The following PTPRD variants were observed in gnomAD, a reference collection of about 807,000 sequenced individuals.
PTPRD encodes receptor-type tyrosine-protein phosphatase delta.
Under a neutral mutation model 214.5 loss-of-function variants are expected in PTPRD, and 34 were observed. That is an observed-to-expected ratio of 0.16 (90% CI 0.12 to 0.21). PTPRD has a LOEUF of 0.21. PTPRD is among the 10% of genes least tolerant of loss of function. The probability of loss-of-function intolerance (pLI) is 1.00; values close to 1 mark genes in which losing one functional copy is unlikely to be tolerated. For synonymous variants in PTPRD, 1,128 were observed against 845.7 expected, an observed-to-expected ratio of 1.33 and a Z score of -5.79; for missense variants, 2,545 against 2,398.7, an observed-to-expected ratio of 1.06 and a Z score of -1.27.
rs1593068093 is a variant in PTPRD at position 9,614,138 on chromosome 9, T to C, written c.-286-39357A>G. On this transcript the variant is annotated intron_variant, in intron 7 of 45. Transcript: ENST00000381196. The stretch of plus-strand genomic sequence containing the variant: ...TGTGTATAAATATATAATATACATA[T>C]ATTTATAATTATAGATAAAGAAATT... 1.3e-5 allele frequency among the ~76,000 whole-genome samples: 2 copies of C among 151,398 alleles called. 1 individual carries two copies. Among genetic ancestry groups the C allele is most frequent in the Admixed American group, 1.3e-4 (2 of 15,156 alleles).
intron 2 of PTPRD, among the ~76,000 whole-genome samples, chr9:10,545,791 T>G (rs951304928): frequency 1.3e-5 from 2 of 152,152 alleles, no homozygotes; most frequent in African/African-American, 4.8e-5. Context: ...ATAGAATTCT[T>G]GGCATTTCTT....
At chr9:8,665,917 CA>C (rs896303191) in intron 12 of PTPRD, among the ~76,000 whole-genome samples, 2 of 151,792 alleles carry the variant, frequency 1.3e-5, no homozygotes, top group African/African-American at 4.8e-5. Context: ...ACTACTGTCA[CA>C]AAAAAATGCA....
At chr9:9,205,905 T>C (rs1263535127) in intron 9 of PTPRD, among the ~76,000 whole-genome samples, 1 of 152,192 alleles carries the variant, frequency 6.6e-6, no homozygotes, top group African/African-American at 2.4e-5. Context: ...TTATTTCAGT[T>C]TGTCATTAAG....
intron 12 of PTPRD, among the ~76,000 whole-genome samples, chr9:8,680,811 C>A (rs556942729): frequency 6.6e-6 from 1 of 152,204 alleles, no homozygotes; most frequent in Admixed American, 6.5e-5. Context: ...AACTAATTTT[C>A]CACTGGAAAC....
chr9:9,707,378 T>C (rs2097643657), intron 7 of PTPRD, among the ~76,000 whole-genome samples: 1 of 152,180 alleles, frequency 6.6e-6, no homozygotes, highest in Non-Finnish European at 1.5e-5. Flanking sequence ...CAAATTATTA[T>C]GTCAGAGATG....
At chr9:10,311,422 G>A (rs1203881650) in intron 3 of PTPRD, among the ~76,000 whole-genome samples, 2 of 151,894 alleles carry the variant, frequency 1.3e-5, no homozygotes, top group Non-Finnish European at 2.9e-5. Context: ...TTTTGGCTTC[G>A]CTACTCATTT....
intron 5 of PTPRD, among the ~76,000 whole-genome samples, chr9:9,812,679 A>G (rs1197415644): frequency 6.6e-6 from 1 of 152,200 alleles, no homozygotes; most frequent in African/African-American, 2.4e-5. Flanking sequence ...AAATATAAAC[A>G]GGACTGAAAG....
intron 8 of PTPRD, among the ~76,000 whole-genome samples, chr9:9,492,412 G>A (rs1370985673): frequency 6.6e-6 from 1 of 150,648 alleles, no homozygotes; most frequent in Admixed American, 6.6e-5. Flanking sequence ...ATTCAATGAA[G>A]CCAGCACCAA....
chr9:9,618,743 A>G (rs943103521), intron 7 of PTPRD, among the ~76,000 whole-genome samples: 2 of 152,182 alleles, frequency 1.3e-5, no homozygotes, highest in Non-Finnish European at 2.9e-5. Context: ...GAATTTCAGG[A>G]AAGAATTTTA....
At chr9:10,060,900 CTTT>C (rs879543181) in intron 3 of PTPRD, among the ~76,000 whole-genome samples, 4,307 of 36,362 alleles carry the variant, frequency 0.12, 107 homozygotes, top group Non-Finnish European at 0.15. Context: ...TTCCTTCCTT[CTTT>C]CTTTCTTTCT....
chr9:9,365,162 A>C (rs1327085172), intron 9 of PTPRD, among the ~76,000 whole-genome samples: 1 of 151,460 alleles, frequency 6.6e-6, no homozygotes, highest in African/African-American at 2.4e-5. Flanking sequence ...ACAAATACAA[A>C]ATATTGGATC....
At chr9:8,803,941 A>G (rs2096621801) in intron 11 of PTPRD, among the ~76,000 whole-genome samples, 1 of 151,672 alleles carries the variant, frequency 6.6e-6, no homozygotes, top group Non-Finnish European at 1.5e-5. Context: ...TTACGTTTGA[A>G]GTCCCTCACT....
chr9:10,122,303 A>C (rs2098782549), intron 3 of PTPRD, among the ~76,000 whole-genome samples: 1 of 152,150 alleles, frequency 6.6e-6, no homozygotes, highest in African/African-American at 2.4e-5. Flanking sequence ...GCAAAACTCC[A>C]TCTCAAAAAA....
chr9:9,718,543 G>C (rs551651949), intron 7 of PTPRD, among the ~76,000 whole-genome samples: 1 of 152,190 alleles, frequency 6.6e-6, no homozygotes, highest in South Asian at 2.1e-4. Context: ...TCCAGACCCA[G>C]GCATCCCTGT....
intron 9 of PTPRD, among the ~76,000 whole-genome samples, chr9:9,396,223 A>C (rs1400036037): frequency 6.6e-6 from 1 of 152,012 alleles, no homozygotes; most frequent in Non-Finnish European, 1.5e-5. Context: ...TGAAAAATTA[A>C]TGTCTTGATT....
intron 25 of PTPRD, 37 bp from the exon 26 acceptor site, chr9:8,497,305 T>C (rs543352759): frequency 6.4e-7 from 1 of 1,558,152 alleles, no homozygotes; most frequent in Non-Finnish European, 8.7e-7. Context: ...GAAAACAAAA[T>C]AAAAAGAAAA....
intron 2 of PTPRD, among the ~76,000 whole-genome samples, chr9:10,528,864 T>A (rs1038255763): frequency 2.0e-5 from 3 of 152,180 alleles, no homozygotes; most frequent in Non-Finnish European, 4.4e-5. Flanking sequence ...ACTCAAGTTT[T>A]TAAAAGAAAT....
intron 7 of PTPRD, among the ~76,000 whole-genome samples, chr9:9,630,188 G>C (rs1462247923): frequency 6.6e-6 from 1 of 152,226 alleles, no homozygotes; most frequent in Non-Finnish European, 1.5e-5. Flanking sequence ...AAATGCTGAA[G>C]CTTGCTGAGT....
chr9:9,996,989 G>C (rs2096144225), intron 4 of PTPRD, among the ~76,000 whole-genome samples: 1 of 152,178 alleles, frequency 6.6e-6, no homozygotes, highest in Non-Finnish European at 1.5e-5. Flanking sequence ...AGAGCAGTCA[G>C]TAGAAACTAT....
Sources: allele counts gnomAD v4.1 joint callset (sites outside exome capture counted in the v4.1 genomes callset), GRCh38; gene constraint gnomAD v4.1.1; transcripts MANE v1.5; gene names NCBI Gene and HGNC (gene_info 2026-07-23, HGNC 2026-07-21).